The following SPRR2B variants were observed in gnomAD, a reference collection of about 807,000 sequenced individuals.
The protein encoded by SPRR2B is small proline rich protein 2B, also known as small proline-rich protein 2B.
A neutral mutation model predicts 1.0 loss-of-function variants in SPRR2B; 1 was observed. The ratio of observed to expected loss-of-function variants is 1.01; its 90% CI spans 0.36 to 4.77. The LOEUF is 4.77. SPRR2B is among the 30% of genes most tolerant of loss of function. The pLI is 0.16. For missense variants in SPRR2B, 53 were observed against 88.7 expected (o/e 0.60, Z 1.62); for synonymous variants, 27 against 33.4 (o/e 0.81, Z 0.66).
chr1:153,071,306 A>G (rs1486083591), intron 1 of SPRR2B, among the ~76,000 whole-genome samples: 1 of 152,054 alleles, frequency 6.6e-6, no homozygotes, highest in Non-Finnish European at 1.5e-5. Context: ...GGATACCAGA[A>G]AAATATGGAA....
At chr1:153,080,026 C>T in the SPRR2B span, among the ~76,000 whole-genome samples, 1 of 152,054 alleles carries the variant, frequency 6.6e-6, no homozygotes, top group African/African-American at 2.4e-5. Flanking sequence ...TTATTTGTAT[C>T]CTCTTTTATT....
the SPRR2B span, among the ~76,000 whole-genome samples, chr1:153,087,738 T>G: frequency 6.6e-6 from 1 of 152,164 alleles, no homozygotes; most frequent in Non-Finnish European, 1.5e-5. Context: ...AGCTCCAAAA[T>G]TGAATCAGTA....
the SPRR2B span, among the ~76,000 whole-genome samples, chr1:153,077,559 T>A: frequency 6.6e-6 from 1 of 151,792 alleles, no homozygotes; most frequent in Non-Finnish European, 1.5e-5. Context: ...TATAGAGATG[T>A]AATTTGTGAA....
chr1:153,085,337 A>G, the SPRR2B span, among the ~76,000 whole-genome samples: 1 of 152,200 alleles, frequency 6.6e-6, no homozygotes, highest in African/African-American at 2.4e-5. Context: ...AACATAACTG[A>G]CCTGAAAAAG....
At chr1:153,087,634 A>G in the SPRR2B span, among the ~76,000 whole-genome samples, 4 of 151,510 alleles carry the variant, frequency 2.6e-5, no homozygotes, top group East Asian at 7.7e-4. Context: ...TACATAAGCT[A>G]GAAAATATAG....
At chr1:153,072,071 T>C (rs75751512), upstream of SPRR2B, among the ~76,000 whole-genome samples, 2,512 of 152,264 alleles carry the variant, frequency 0.016, 68 homozygotes, top group African/African-American at 0.057. Flanking sequence ...AGGTCAACTC[T>C]CCTCTCTGGA....
the SPRR2B span, among the ~76,000 whole-genome samples, chr1:153,083,747 A>G: frequency 1.3e-5 from 2 of 152,034 alleles, no homozygotes; most frequent in Non-Finnish European, 2.9e-5. Context: ...GCAGGAGAAG[A>G]CCCCCTCAAC....
At chr1:153,075,184 A>G (rs1317271506), upstream of SPRR2B, among the ~76,000 whole-genome samples, 1 of 152,054 alleles carries the variant, frequency 6.6e-6, no homozygotes, top group Non-Finnish European at 1.5e-5. Context: ...TTCTACTAAA[A>G]ATACAAAAAT....
the SPRR2B span, among the ~76,000 whole-genome samples, chr1:153,084,751 G>A: frequency 6.6e-6 from 1 of 152,128 alleles, no homozygotes; most frequent in Non-Finnish European, 1.5e-5. Context: ...CCACCACACT[G>A]CAAAACACTT....
upstream of SPRR2B, among the ~76,000 whole-genome samples, chr1:153,073,695 T>TCA (rs4041380): frequency 0.089 from 12,824 of 144,472 alleles, 980 homozygotes; most frequent in East Asian, 0.36. Flanking sequence ...GAGGCATACT[T>TCA]CACACACACA....
At chr1:153,083,108 G>C in the SPRR2B span, among the ~76,000 whole-genome samples, 1 of 152,120 alleles carries the variant, frequency 6.6e-6, no homozygotes, top group South Asian at 2.1e-4. Flanking sequence ...CAGTTGGAAT[G>C]AACAAATTCT....
the SPRR2B span, among the ~76,000 whole-genome samples, chr1:153,077,148 G>A: frequency 0.16 from 25,031 of 152,110 alleles, 3,515 homozygotes; most frequent in East Asian, 0.49. Context: ...AGAAGTAGTT[G>A]ACCAAATGCT....
the SPRR2B span, among the ~76,000 whole-genome samples, chr1:153,086,107 T>C: frequency 6.6e-6 from 1 of 152,176 alleles, no homozygotes; most frequent in African/African-American, 2.4e-5. Context: ...AGTGACACTA[T>C]AAGGCAACCA....
At chr1:153,076,351 C>T (rs1049747144), upstream of SPRR2B, among the ~76,000 whole-genome samples, 3 of 152,074 alleles carry the variant, frequency 2.0e-5, no homozygotes, top group African/African-American at 7.2e-5. Context: ...ATAAAGTACT[C>T]CTGTATGCTT....
chr1:153,081,965 C>G, the SPRR2B span, among the ~76,000 whole-genome samples: 22 of 152,126 alleles, frequency 1.4e-4, no homozygotes, highest in East Asian at 4.2e-3. Context: ...CAGGCATGTG[C>G]CACCACATCC....
In SPRR2B at chr1:153,070,867, A is replaced by T; in HGVS notation, c.-19-9T>A. 1 of 1,262,480 alleles carries T rather than the reference A, an allele frequency of 7.9e-7. No individual in the cohort carries two copies. Among genetic ancestry groups the T allele is most frequent in the Non-Finnish European group, 1.1e-6 (1 of 887,704 alleles). The allele number at this position is 1,262,480 out of a possible 1,614,324, so 78.2% of individuals were successfully genotyped here. ...TGCTGGAGTCTCAGGATCTGAAAGA[A>T]ATGATACAACAGTGTTCGTGGGAAG... On this transcript the variant is annotated splice_polypyrimidine_tract_variant and intron_variant, in intron 1 of 1. Transcript: ENST00000368755.
chr1:153,071,703 C>T (rs1009769363), upstream of SPRR2B, among the ~76,000 whole-genome samples: 1 of 152,118 alleles, frequency 6.6e-6, no homozygotes, highest in Admixed American at 6.5e-5. Flanking sequence ...CAGCAATGTC[C>T]CAACCAAAAT....
At chr1:153,077,888 T>C in the SPRR2B span, among the ~76,000 whole-genome samples, 6 of 152,184 alleles carry the variant, frequency 3.9e-5, no homozygotes, top group African/African-American at 1.4e-4. Context: ...CAAATTAGAT[T>C]ACTATAACTT....
Position 153,070,517 on chromosome 1 carries a change from T to C in SPRR2B, c.*104A>G, listed in dbSNP as rs1654634204. 2.0e-6 allele frequency: 3 copies of C among 1,535,872 alleles called. No individual in the cohort carries two copies. Among genetic ancestry groups the C allele is most frequent in the African/African-American group, 2.7e-5 (2 of 72,788 alleles). On this transcript the variant is annotated 3_prime_UTR_variant, in exon 2 of 2. Coordinates refer to ENST00000368755, the MANE Select transcript of SPRR2B (RefSeq NM_001388198.1). ...ACAGGCTAAGGGGAAAGAAGCTCCC[T>C]ATGAATCCATGATAAGCTTTGATGA...
Sources: allele counts gnomAD v4.1 joint callset (sites outside exome capture counted in the v4.1 genomes callset), GRCh38; gene constraint gnomAD v4.1.1; transcripts MANE v1.5; gene names NCBI Gene and HGNC (gene_info 2026-07-23, HGNC 2026-07-21).